PHYKPL: variants seen among roughly 807,000 people sequenced by gnomAD.
PHYKPL encodes the protein 5-phosphohydroxy-L-lysine phospho-lyase, also known as 5-phosphonooxy-L-lysine phospho-lyase.
PHYKPL carries 42 observed loss-of-function variants against 51.3 expected under a neutral mutation model. That is an observed-to-expected ratio of 0.82 (90% CI 0.64 to 1.06). PHYKPL has a LOEUF of 1.06. Among genes scored for constraint, PHYKPL ranks in the 50% least tolerant of loss-of-function variants. The pLI, the probability that PHYKPL is intolerant of heterozygous loss-of-function variation, is 0.00. For synonymous variants in PHYKPL, 264 were observed against 236.0 expected (o/e 1.12, Z -1.09); for missense variants, 655 against 586.6 (o/e 1.12, Z -1.20).
intron 10 of PHYKPL, among the ~76,000 whole-genome samples, chr5:178,214,122 C>T (rs949552784): frequency 6.6e-6 from 1 of 152,100 alleles, no homozygotes; most frequent in South Asian, 2.1e-4. Context: ...ATCAATACCA[C>T]GCGTGTCTCA....
chr5:178,231,469 T>G lies in PHYKPL; in HGVS notation c.114A>C (p.Gln38His). 6.2e-7 allele frequency: 1 copy of G among 1,614,186 alleles called. No homozygotes were observed. Among genetic ancestry groups the G allele is most frequent in the Non-Finnish European group, 8.5e-7 (1 of 1,180,032 alleles). Residue 38 changes from glutamine to histidine, a missense_variant, in exon 2 of 13, where the codon CAA becomes CAC. Transcript: ENST00000308158. ...PEDPVKIVRA[Q>H]GQYMYDEQGA... is the part of the protein sequence containing the mutation. Reference sequence around the variant, plus strand: ...CCTGTTCATCGTACATGTACTGCCCTTGGGCCCGGACAATCTTAACAGGAT... The same window carrying G: ...CCTGTTCATCGTACATGTACTGCCCGTGGGCCCGGACAATCTTAACAGGAT...
chr5:178,231,680 A>C (rs1014733710), intron 1 of PHYKPL, 157 bp from the exon 2 acceptor site: 22 of 1,571,118 alleles, frequency 1.4e-5, no homozygotes, highest in East Asian at 2.4e-5. Flanking sequence ...TTGTCTCTCC[A>C]CTCCACAGGT....
At chr5:178,214,959 C>G in intron 9 of PHYKPL, 74 bp from the exon 10 acceptor site, 1 of 1,365,914 alleles carries the variant, frequency 7.3e-7, no homozygotes, top group Non-Finnish European at 1.0e-6. Flanking sequence ...CCTCTGGGCT[C>G]CTACCTGTGC....
Position 178,231,674 on chromosome 5 carries a change from C to G in PHYKPL, c.60-151G>C, listed in dbSNP as rs564359073. The G allele has an allele frequency of 7.6e-5, 120 of 1,575,902 alleles. 2 individuals carry two copies. The Admixed American group carries it at 2.2e-3, about 29-fold the overall frequency. ...GCAAGGTGCTGCTTCCCTGCCTTGT[C>G]TCTCCACTCCACAGGTGGTTGCAAA... is the stretch of plus-strand genomic sequence containing the variant. On this transcript the variant is annotated intron_variant, in intron 1 of 12. Coordinates refer to ENST00000308158, the MANE Select transcript of PHYKPL (RefSeq NM_153373.4).
chr5:178,223,546 A>G (rs536594261), intron 6 of PHYKPL: 195 of 453,392 alleles, frequency 4.3e-4, no homozygotes, highest in African/African-American at 3.6e-3. Flanking sequence ...GGCCAATGGG[A>G]TGGGATACTG....
At chr5:178,210,736 C>T (rs1026785910) in intron 12 of PHYKPL, 1 of 793,504 alleles carries the variant, frequency 1.3e-6, no homozygotes, top group Non-Finnish European at 2.2e-6. Context: ...GTCCCATGTG[C>T]ATCTTATTTA....
chr5:178,209,473 G>A (rs1392610779), intron 12 of PHYKPL: 1 of 1,592,816 alleles, frequency 6.3e-7, no homozygotes, highest in Non-Finnish European at 8.6e-7. Flanking sequence ...ATGAAGATAG[G>A]TCCTGTTTCC....
At position 178,208,875 on chromosome 5, in the gene PHYKPL, C is replaced by G. The variant is rs1025996169; in HGVS notation, c.*72G>C. 1 of 154,298 alleles carries G rather than the reference C, an allele frequency of 6.5e-6. No homozygotes were observed. The highest frequency in any genetic ancestry group is 1.4e-5 in the Non-Finnish European group (1 of 69,336). 9.6% of individuals were successfully genotyped at this position (154,298 alleles called of 1,614,324 possible). A position where few individuals can be genotyped will look rare whatever the true frequency, so the allele number is the denominator to read the frequency against. Reference sequence around the variant, plus strand: ...TTATCTGTAAGAGGGAGGTCAGGCTCGCCTTCTCAATAGCGTGTATTTGGA... The same window carrying G: ...TTATCTGTAAGAGGGAGGTCAGGCTGGCCTTCTCAATAGCGTGTATTTGGA... On this transcript the variant is annotated 3_prime_UTR_variant, in exon 13 of 13. Transcript: ENST00000308158.
intron 8 of PHYKPL, 104 bp downstream of exon 8, chr5:178,222,251 T>C: frequency 1.0e-6 from 1 of 993,594 alleles, no homozygotes; most frequent in Non-Finnish European, 1.5e-6. Flanking sequence ...AAGCGTGTGC[T>C]GGGCACAGTG....
At chr5:178,224,042 C>G (rs1761762161) in intron 6 of PHYKPL, 1 of 195,638 alleles carries the variant, frequency 5.1e-6, no homozygotes, top group African/African-American at 2.4e-5. Context: ...CTGCTGCCGC[C>G]CAGCATAGTT....
At chr5:178,224,281 CG>C in intron 6 of PHYKPL, 166 bp downstream of exon 6, 2 of 738,294 alleles carry the variant, frequency 2.7e-6, no homozygotes, top group Middle Eastern at 3.1e-4. Flanking sequence ...CATGCTAGGC[CG>C]TGCACTCAGA....
At chr5:178,232,433 G>C (rs997510708) in intron 1 of PHYKPL, 59 bp downstream of exon 1, 1 of 1,373,826 alleles carries the variant, frequency 7.3e-7, no homozygotes, top group Non-Finnish European at 9.3e-7. Context: ...TGCGTCGTGC[G>C]TGCGCGTGCC....
chr5:178,210,119 G>C (rs761699384), intron 12 of PHYKPL: 2 of 1,613,766 alleles, frequency 1.2e-6, no homozygotes, highest in African/African-American at 2.7e-5. Context: ...CCTGTGCCCT[G>C]CTCCCCCCAC....
At chr5:178,210,217 C>T (rs754101035) in intron 12 of PHYKPL, 58 of 1,612,118 alleles carry the variant, frequency 3.6e-5, no homozygotes, top group Non-Finnish European at 4.2e-5. Flanking sequence ...CTGGCTATGG[C>T]GGCTACGACT....
At chr5:178,221,717 A>C (rs891673051) in intron 8 of PHYKPL, among the ~76,000 whole-genome samples, 34 of 152,058 alleles carry the variant, frequency 2.2e-4, no homozygotes. Flanking sequence ...TCCCTGGATC[A>C]GTCTGCCTTC....
Position 178,219,124 on chromosome 5 carries a change from T to C in PHYKPL, c.927+3231A>G, listed in dbSNP as rs572765335. Among the ~76,000 whole-genome samples the C allele has an allele frequency of 4.6e-5, 7 of 152,308 alleles. No homozygotes were observed. The South Asian group carries it at 8.3e-4, about 18-fold the overall frequency. On this transcript the variant is annotated intron_variant, in intron 8 of 12. Transcript: ENST00000308158. Reference sequence around the variant, plus strand: ...ACTTAAGAGGAAACATAAATGAATATATTTTATAACTTGGAGTAGGGAGAG... The same window carrying C: ...ACTTAAGAGGAAACATAAATGAATACATTTTATAACTTGGAGTAGGGAGAG...
intron 8 of PHYKPL, among the ~76,000 whole-genome samples, chr5:178,220,985 C>A (rs577456282): frequency 6.6e-6 from 1 of 152,174 alleles, no homozygotes; most frequent in African/African-American, 2.4e-5. Context: ...CATGGTTATT[C>A]AGAGTGATGG....
chr5:178,231,254 T>C, intron 2 of PHYKPL, 151 bp downstream of exon 2: 1 of 1,309,604 alleles, frequency 7.6e-7, no homozygotes, highest in Non-Finnish European at 1.1e-6. Flanking sequence ...TCCACAGCTA[T>C]ATTGCGAAGG....
intron 6 of PHYKPL, chr5:178,224,223 G>A (rs891769542): frequency 2.7e-5 from 14 of 515,810 alleles, no homozygotes; most frequent in East Asian, 2.0e-4. Context: ...CAAGGACCCC[G>A]CTTGGTACCT....
Sources: gnomAD v4.1 joint callset for allele counts (sites outside exome capture counted in the v4.1 genomes callset) on GRCh38, gnomAD v4.1.1 for gene constraint, MANE v1.5 for transcripts, NCBI Gene and HGNC (gene_info 2026-07-23, HGNC 2026-07-21) for gene names.